Variants in PRSS23 observed in about 807,000 individuals in gnomAD.
PRSS23 encodes the protein serine protease 23, also known as protease, serine 23.
Under a neutral mutation model 34.7 loss-of-function variants are expected in PRSS23, and 25 were observed. That is an observed-to-expected ratio of 0.72 (90% CI 0.53 to 1.01). The LOEUF (loss-of-function observed/expected upper bound fraction) is 1.01. PRSS23 is among the 50% of genes least tolerant of loss of function. The pLI is 0.00. For synonymous variants in PRSS23, 176 were observed against 186.6 expected, an observed-to-expected ratio of 0.94 and a Z score of 0.46; for missense variants, 445 against 475.6, an observed-to-expected ratio of 0.94 and a Z score of 0.60.
At chr11:86,855,190 C>T (rs996805884) in intron 2 of PRSS23, among the ~76,000 whole-genome samples, 2 of 150,920 alleles carry the variant, frequency 1.3e-5, no homozygotes, top group African/African-American at 4.9e-5. Flanking sequence ...AAAAATACAG[C>T]ATGATTTCGA....
rs1948104635 is a variant in PRSS23 at position 86,806,642 on chromosome 11, C to T, written c.-13-989C>T. On this transcript the variant is annotated intron_variant, in intron 1 of 1. Transcript: ENST00000280258. ...AGAAGGCCTCTCTTGTTCTTACTCC[C>T]ACAATTGGCCTCAAGCTGTTTCTCT... Among the ~76,000 whole-genome samples the T allele has an allele frequency of 1.3e-5, 2 of 152,216 alleles. 1 individual carries two copies.
intron 2 of PRSS23, among the ~76,000 whole-genome samples, chr11:86,834,102 T>C (rs1284707219): frequency 6.6e-6 from 1 of 152,208 alleles, no homozygotes; most frequent in African/African-American, 2.4e-5. Flanking sequence ...GATACAGGGA[T>C]TGAAATGTAT....
At chr11:86,831,576 A>T (rs1195666489) in intron 2 of PRSS23, among the ~76,000 whole-genome samples, 3 of 151,838 alleles carry the variant, frequency 2.0e-5, no homozygotes, top group African/African-American at 7.3e-5. Flanking sequence ...TACACCCTGT[A>T]ATATTATTCA....
intron 2 of PRSS23, among the ~76,000 whole-genome samples, chr11:86,824,379 TA>T (rs1184467733): frequency 2.0e-5 from 3 of 147,648 alleles, no homozygotes; most frequent in South Asian, 4.2e-4. Context: ...ATAAATAAAA[TA>T]AAAAAACAAA....
intron 2 of PRSS23, chr11:86,935,111 C>T (rs117039906): frequency 6.6e-6 from 1 of 152,234 alleles, no homozygotes; most frequent in African/African-American, 2.4e-5. Flanking sequence ...GGCCCCCAGG[C>T]AATAACTAAT....
exon 3 of PRSS23, chr11:86,951,636 T>C (rs1949293628): frequency 6.2e-7 from 1 of 1,614,142 alleles, no homozygotes; most frequent in Non-Finnish European, 8.5e-7. Flanking sequence ...CACAAGCCAG[T>C]CAGTTCATCT....
intron 2 of PRSS23, among the ~76,000 whole-genome samples, chr11:86,846,718 C>T (rs574047943): frequency 6.6e-6 from 1 of 152,290 alleles, no homozygotes; most frequent in South Asian, 2.1e-4. Flanking sequence ...GTTATTCCCA[C>T]TAGACAGGAT....
chr11:86,897,002 A>G (rs1161039852), intron 2 of PRSS23, among the ~76,000 whole-genome samples: 1 of 152,238 alleles, frequency 6.6e-6, no homozygotes, highest in Non-Finnish European at 1.5e-5. Context: ...ACCAGCTGAA[A>G]TAAGAACATA....
chr11:86,925,890 T>C (rs974882943), intron 2 of PRSS23, among the ~76,000 whole-genome samples: 3 of 152,212 alleles, frequency 2.0e-5, no homozygotes, highest in African/African-American at 7.2e-5. Flanking sequence ...CTGTTTGACC[T>C]TCAAGTAGAA....
At chr11:86,927,167 G>A (rs536314192) in intron 2 of PRSS23, among the ~76,000 whole-genome samples, 1 of 152,292 alleles carries the variant, frequency 6.6e-6, no homozygotes, top group East Asian at 1.9e-4. Context: ...GAGTCACGTG[G>A]TGCAGAGAGG....
At chr11:86,882,667 G>A (rs564636623) in intron 2 of PRSS23, among the ~76,000 whole-genome samples, 45 of 152,234 alleles carry the variant, frequency 3.0e-4, no homozygotes, top group African/African-American at 8.7e-4. Flanking sequence ...GAACATACAT[G>A]TACATGTGTC....
intron 2 of PRSS23, chr11:86,837,679 A>G (rs1948417289): frequency 6.6e-6 from 1 of 152,248 alleles, no homozygotes; most frequent in Non-Finnish European, 1.5e-5. Flanking sequence ...AGACAGGAGA[A>G]TGGCTTGAAC....
At chr11:86,846,845 A>G (rs182286939) in intron 2 of PRSS23, among the ~76,000 whole-genome samples, 34 of 152,336 alleles carry the variant, frequency 2.2e-4, no homozygotes, top group African/African-American at 7.9e-4. Flanking sequence ...TTGAAGGACC[A>G]GTTCCCCACC....
chr11:86,919,569 A>G (rs1245514961), intron 2 of PRSS23, among the ~76,000 whole-genome samples: 1 of 152,248 alleles, frequency 6.6e-6, no homozygotes, highest in East Asian at 1.9e-4. Flanking sequence ...TCATAGGAGC[A>G]ATGGGAGAAA....
At chr11:86,924,629 G>C (rs1461477664) in intron 2 of PRSS23, among the ~76,000 whole-genome samples, 3 of 152,138 alleles carry the variant, frequency 2.0e-5, no homozygotes, top group African/African-American at 7.2e-5. Flanking sequence ...TACTCAACTG[G>C]AAAAGAAAAG....
At chr11:86,951,084 C>A (rs916863095) in intron 2 of PRSS23, 2 of 1,578,852 alleles carry the variant, frequency 1.3e-6, no homozygotes, top group Admixed American at 3.3e-5. Context: ...GTAGAATTTC[C>A]TCCAAAATGC....
chr11:86,803,345 C>T (rs1483968282), intron 1 of PRSS23, among the ~76,000 whole-genome samples: 1 of 152,090 alleles, frequency 6.6e-6, no homozygotes, highest in Non-Finnish European at 1.5e-5. Context: ...TCATTAGTTA[C>T]CTTTCCAGGT....
chr11:86,799,586 A>G (rs1334400610), upstream of PRSS23, among the ~76,000 whole-genome samples: 1 of 152,136 alleles, frequency 6.6e-6, no homozygotes, highest in Non-Finnish European at 1.5e-5. Context: ...TTGACCGAAA[A>G]CGCTCAATAC....
At chr11:86,841,101 A>T (rs1204007069) in intron 2 of PRSS23, among the ~76,000 whole-genome samples, 1 of 152,152 alleles carries the variant, frequency 6.6e-6, no homozygotes, top group Non-Finnish European at 1.5e-5. Flanking sequence ...GCATTTTGGG[A>T]GGCTGAGGCA....
Sources: gnomAD v4.1 joint callset for allele counts (sites outside exome capture counted in the v4.1 genomes callset) on GRCh38, gnomAD v4.1.1 for gene constraint, MANE v1.5 for transcripts, NCBI Gene and HGNC (gene_info 2026-07-23, HGNC 2026-07-21) for gene names.